MYO18A: variants seen among roughly 807,000 people sequenced by gnomAD.
The protein encoded by MYO18A is myosin XVIIIA, also known as unconventional myosin-XVIIIa.
MYO18A carries 78 observed loss-of-function variants against 235.8 expected under a neutral mutation model. The observed-to-expected ratio is 0.33, with a 90% CI of 0.28 to 0.40. MYO18A has a LOEUF of 0.40. Ranked by LOEUF, MYO18A falls within the 10% of genes least tolerant of loss-of-function variation. The probability of loss-of-function intolerance (pLI) is 1.00; values close to 1 mark genes in which losing one functional copy is unlikely to be tolerated. For synonymous variants in MYO18A, 977 were observed against 1,077.8 expected (o/e 0.91, Z 1.83); for missense variants, 2,215 against 2,699.3 (o/e 0.82, Z 3.98).
At chr17:29,094,180 C>A in intron 30 of MYO18A, 90 bp from the exon 31 acceptor site, 1 of 889,756 alleles carries the variant, frequency 1.1e-6, no homozygotes. Context: ...GGCTCAGGGG[C>A]CGAGAACGTC....
At chr17:29,170,504 C>T (rs1340186964) in intron 1 of MYO18A, among the ~76,000 whole-genome samples, 1 of 152,168 alleles carries the variant, frequency 6.6e-6, no homozygotes, top group African/African-American at 2.4e-5. Flanking sequence ...ATACCACTAC[C>T]TTCCTACCCC....
intron 2 of MYO18A, among the ~76,000 whole-genome samples, chr17:29,161,936 C>T (rs780575950): frequency 6.6e-5 from 10 of 152,336 alleles, no homozygotes; most frequent in Non-Finnish European, 1.2e-4. Flanking sequence ...AGTAACTGAT[C>T]CAAATACAGA....
intron 2 of MYO18A, among the ~76,000 whole-genome samples, chr17:29,152,606 C>G (rs2067982828): frequency 6.6e-6 from 1 of 152,204 alleles, no homozygotes; most frequent in Non-Finnish European, 1.5e-5. Context: ...TCCCCGTGAG[C>G]AGAGCTGAGC....
intron 2 of MYO18A, chr17:29,128,967 G>T: frequency 9.5e-7 from 1 of 1,049,382 alleles, no homozygotes; most frequent in Non-Finnish European, 1.3e-6. Context: ...CATGGACACA[G>T]CAGAGATGGA....
At position 29,166,233 on chromosome 17, in the gene MYO18A, C is replaced by T; in HGVS notation, c.708G>A (p.Arg236=). Residue 236 remains arginine, a synonymous_variant, in exon 2 of 42, where the codon CGG becomes CGA. Coordinates refer to ENST00000527372, the MANE Select transcript of MYO18A (RefSeq NM_078471.4). Reference sequence around the variant, plus strand: ...GGCCCCGATCCAGCATGGTTGTGCGCCGCAGGGAGAAGCCAAAGTCTCCAG... The same window carrying T: ...GGCCCCGATCCAGCATGGTTGTGCGTCGCAGGGAGAAGCCAAAGTCTCCAG... ...RPTGDFGFSL[R]RTTMLDRGPE... 1.2e-6 allele frequency: 2 copies of T among 1,612,990 alleles called. No individual in the cohort carries two copies. The highest frequency in any genetic ancestry group is 1.7e-6 in the Non-Finnish European group (2 of 1,179,880).
At chr17:29,080,740 C>T in intron 41 of MYO18A, 1 of 985,578 alleles carries the variant, frequency 1.0e-6, no homozygotes. Flanking sequence ...GCCAGCGCGC[C>T]CCCCGGTCCC....
At chr17:29,090,965 C>A in intron 34 of MYO18A, 39 bp from the exon 35 acceptor site, 2 of 1,561,700 alleles carry the variant, frequency 1.3e-6, no homozygotes, top group Non-Finnish European at 1.8e-6. Flanking sequence ...GCCTCAGGCC[C>A]AGTGTGCCTG....
In MYO18A at chr17:29,133,747, C is replaced by T. The variant is rs906577640; in HGVS notation, c.1000-11494G>A. 30 of 1,256,122 alleles carry T rather than the reference C, an allele frequency of 2.4e-5. No homozygotes were observed. In the Middle Eastern group the frequency reaches 6.4e-4, roughly 27 times the overall value. 77.8% of individuals were successfully genotyped at this position (1,256,122 alleles called of 1,614,324 possible). On this transcript the variant is annotated intron_variant, in intron 2 of 41. Transcript: ENST00000527372. The stretch of plus-strand genomic sequence containing the variant: ...CAAGCCAGTCTCCTGCCTGCAGATA[C>T]AACATGCCAAGCACACAGGAAAAAC...
intron 2 of MYO18A, among the ~76,000 whole-genome samples, chr17:29,163,171 G>A (rs1333198831): frequency 2.0e-5 from 3 of 152,238 alleles, no homozygotes; most frequent in Non-Finnish European, 4.4e-5. Context: ...GAGGAGGCGG[G>A]AAGACTTCTC....
At position 29,140,380 on chromosome 17, in the gene MYO18A, C is replaced by G. The variant is rs1872790112; in HGVS notation, c.1000-18127G>C. The G allele has an allele frequency of 7.8e-7, 1 of 1,284,790 alleles. No homozygotes were observed. The highest frequency in any genetic ancestry group is 1.0e-6 in the Non-Finnish European group (1 of 986,670). The allele number at this position is 1,284,790 out of a possible 1,614,324, so 79.6% of individuals were successfully genotyped here. On this transcript the variant is annotated intron_variant, in intron 2 of 41. Transcript: ENST00000527372. This position sits in a 1 kb window ranked among gnomAD's most constrained non-coding sequence, Gnocchi z 4.2. ...TGGAGCAGCCCAGAGCAAGGAGACT[C>G]CGCTCTGATGCTGCTCTGGCTCCGT...
chr17:29,102,823 C>T lies in MYO18A; in HGVS notation c.3507+776G>A, dbSNP rs376385611. Among the ~76,000 whole-genome samples, 35 of 152,318 alleles carry T rather than the reference C, an allele frequency of 2.3e-4. No individual in the cohort carries two copies. In the South Asian group the frequency reaches 4.1e-3, roughly 18 times the overall value. On this transcript the variant is annotated intron_variant, in intron 21 of 41. Coordinates refer to ENST00000527372, the MANE Select transcript of MYO18A (RefSeq NM_078471.4). ...AGCCTCTGCAAGCACCTCCTTCCAC[C>T]GCACACGCCCCACGGGGCCCTGCAA... is the stretch of plus-strand genomic sequence containing the variant.
intron 30 of MYO18A, 122 bp from the exon 31 acceptor site, chr17:29,094,212 G>A: frequency 1.4e-6 from 1 of 695,494 alleles, no homozygotes; most frequent in Non-Finnish European, 2.5e-6. Flanking sequence ...TCCCTTTGCT[G>A]GCACCTTGCT....
chr17:29,094,563 A>G, intron 30 of MYO18A, 87 bp downstream of exon 30: 2 of 1,330,482 alleles, frequency 1.5e-6, no homozygotes, highest in East Asian at 2.3e-5. Context: ...TGGAGGCAGG[A>G]TCCTCTGGCC....
At chr17:29,148,752 C>A (rs542857221) in intron 2 of MYO18A, among the ~76,000 whole-genome samples, 1 of 152,288 alleles carries the variant, frequency 6.6e-6, no homozygotes, top group African/African-American at 2.4e-5. Flanking sequence ...GGCAGACTCC[C>A]TTTAAGAAGC....
intron 41 of MYO18A, chr17:29,080,865 G>C (rs528480393): frequency 1.0e-6 from 1 of 985,228 alleles, no homozygotes; most frequent in Admixed American, 6.1e-5. Flanking sequence ...CCGCCCGCTC[G>C]CTCAGGGAGG....
intron 32 of MYO18A, 108 bp downstream of exon 32, chr17:29,093,215 C>T: frequency 8.8e-7 from 1 of 1,135,488 alleles, no homozygotes; most frequent in Non-Finnish European, 1.3e-6. Context: ...TTTGCAGCAC[C>T]CCCACCCCCG....
At position 29,109,377 on chromosome 17, in the gene MYO18A, T is replaced by G. The variant is rs2066872574; in HGVS notation, c.3331+481A>C. Among the ~76,000 whole-genome samples, 1 of 152,130 alleles carries G rather than the reference T, an allele frequency of 6.6e-6. No homozygotes were observed. The highest frequency in any genetic ancestry group is 6.5e-5 in the Admixed American group (1 of 15,274). ...GCTTCTAAGGACTCTAAGTAACCAC[T>G]AATACTATCATCCTGTCTGTCGCCT... On this transcript the variant is annotated intron_variant, in intron 19 of 41. Transcript: ENST00000527372. This position sits in a 1 kb window ranked among gnomAD's most constrained non-coding sequence, Gnocchi z 4.1.
intron 2 of MYO18A, among the ~76,000 whole-genome samples, chr17:29,151,473 CCA>C (rs2067962664): frequency 6.6e-6 from 1 of 152,126 alleles, no homozygotes; most frequent in Admixed American, 6.5e-5. Flanking sequence ...CTTCCTCACC[CCA>C]GAGTCTGCTT....
intron 1 of MYO18A, among the ~76,000 whole-genome samples, chr17:29,167,558 T>A (rs1259262647): frequency 1.3e-5 from 2 of 152,046 alleles, no homozygotes; most frequent in Non-Finnish European, 2.9e-5. Flanking sequence ...AAAAAAATTT[T>A]AAAAATTAGC....
Sources: gnomAD v4.1 joint callset for allele counts (sites outside exome capture counted in the v4.1 genomes callset) on GRCh38, gnomAD v4.1.1 for gene constraint, Gnocchi (gnomAD v3.1) non-coding constraint, MANE v1.5 for transcripts, NCBI Gene and HGNC (gene_info 2026-07-23, HGNC 2026-07-21) for gene names.